The following EIF2S2 variants were observed in gnomAD, a reference collection of about 807,000 sequenced individuals.
The protein encoded by EIF2S2 is eukaryotic translation initiation factor 2 subunit 2.
In EIF2S2, 4 loss-of-function variants were observed where a neutral mutation model predicts 44.0. The ratio of observed to expected loss-of-function variants is 0.09; its 90% CI spans 0.04 to 0.21. The LOEUF (loss-of-function observed/expected upper bound fraction) is 0.21. EIF2S2 is among the 10% of genes least tolerant of loss of function. EIF2S2 has a pLI of 1.00. For synonymous variants in EIF2S2, 108 were observed against 128.3 expected (o/e 0.84, Z 1.07); for missense variants, 154 against 392.0 (o/e 0.39, Z 5.13).
At position 34,099,376 on chromosome 20, in the gene EIF2S2, G is replaced by A. The variant is rs1212603683; in HGVS notation, c.298-743C>T. ...CTGTCTCAAAGAAAAAAAAAAAAAAGAATCACTTGAGAAAATTTAAAAGTT... is the reference window on the plus strand; with the variant it reads ...CTGTCTCAAAGAAAAAAAAAAAAAAAAATCACTTGAGAAAATTTAAAAGTT... On this transcript the variant is annotated intron_variant, in intron 3 of 8. Transcript: ENST00000374980. Among the ~76,000 whole-genome samples the A allele has an allele frequency of 2.6e-5, 4 of 151,462 alleles. No individual in the cohort carries two copies. In the South Asian group the frequency reaches 6.3e-4, roughly 24 times the overall value.
Position 34,105,390 on chromosome 20 carries a change from A to G in EIF2S2, c.171T>C (p.Asp57=), listed in dbSNP as rs752072809. The change falls in exon 2 of 9, where the codon GAT becomes GAC. Residue 57 remains aspartate, a synonymous_variant. Coordinates refer to ENST00000374980, the MANE Select transcript of EIF2S2 (RefSeq NM_003908.5). ...EPTEDKDLEA[D]EEDTRKKDAS... ...CACCTTTTTTCCTAGTGTCCTCTTCATCAGCTTCCAAATCCTTGTCCTCAG... is the reference window on the plus strand; with the variant it reads ...CACCTTTTTTCCTAGTGTCCTCTTCGTCAGCTTCCAAATCCTTGTCCTCAG... The G allele has an allele frequency of 1.2e-6, 2 of 1,613,324 alleles. No individual in the cohort carries two copies. The highest frequency in any genetic ancestry group is 1.7e-6 in the Non-Finnish European group (2 of 1,179,734).
chr20:34,103,426 G>C lies in EIF2S2; in HGVS notation c.297+36C>G, dbSNP rs767443928. The C allele has an allele frequency of 3.3e-6, 5 of 1,513,126 alleles. No individual in the cohort carries two copies. In the Admixed American group the frequency reaches 8.3e-5, roughly 25 times the overall value. The allele number at this position is 1,513,126 out of a possible 1,614,324, so 93.7% of individuals were successfully genotyped here. ...ATCAGCCATTAGCAACCTTGCAAGA[G>C]GTCAAATTTTACCTTCAACAAGAAA... On this transcript the variant is annotated intron_variant, in intron 3 of 8. Transcript: ENST00000374980.
intron 1 of EIF2S2, among the ~76,000 whole-genome samples, chr20:34,109,535 G>A (rs1198230267): frequency 2.0e-5 from 3 of 151,886 alleles, no homozygotes; most frequent in African/African-American, 4.8e-5. Flanking sequence ...GAGCATGCAC[G>A]TGTAGTCCCA....
At chr20:34,097,538 A>C (rs1219618032) in intron 4 of EIF2S2, 22 bp from the exon 5 acceptor site, 2 of 1,600,128 alleles carry the variant, frequency 1.2e-6, no homozygotes, top group Non-Finnish European at 1.7e-6. Flanking sequence ...AAAGATTTTA[A>C]GAATGAGGGG....
chr20:34,102,637 A>G (rs931461220), intron 3 of EIF2S2, among the ~76,000 whole-genome samples: 1 of 152,292 alleles, frequency 6.6e-6, no homozygotes, highest in Non-Finnish European at 1.5e-5. Context: ...CTACTTATCA[A>G]AGAAAATTTT....
chr20:34,091,514 G>T (rs936987656), intron 7 of EIF2S2, among the ~76,000 whole-genome samples: 1 of 152,044 alleles, frequency 6.6e-6, no homozygotes. Context: ...TCAGGTGTTC[G>T]AGACCAGCCT....
chr20:34,110,096 C>CAAAAAAAAAAAA (rs11167227), intron 1 of EIF2S2, among the ~76,000 whole-genome samples: 1 of 86,192 alleles, frequency 1.2e-5, no homozygotes, highest in African/African-American at 4.3e-5. Flanking sequence ...AATTCCATCT[C>CAAAAAAAAAAAA]AAAAAAAAAA....
chr20:34,100,339 G>A (rs1414168703), intron 3 of EIF2S2, among the ~76,000 whole-genome samples: 1 of 152,138 alleles, frequency 6.6e-6, no homozygotes, highest in Non-Finnish European at 1.5e-5. Context: ...TTAACCACTG[G>A]TGACTGAGCT....
Position 34,090,010 on chromosome 20 carries a change from G to T in EIF2S2, c.827-105C>A, listed in dbSNP as rs1364858017. 12 of 1,266,694 alleles carry T rather than the reference G, an allele frequency of 9.5e-6. No homozygotes were observed. The Middle Eastern group carries it at 5.6e-4, about 59-fold the overall frequency. The allele number at this position is 1,266,694 out of a possible 1,614,324, so 78.5% of individuals were successfully genotyped here. On this transcript the variant is annotated intron_variant, in intron 8 of 8. Transcript: ENST00000374980. The stretch of plus-strand genomic sequence containing the variant: ...AAAGAACTCCACAAGCCCAGGCTGA[G>T]AATTTAGCTGGGCACCCAGACCAGG...
At chr20:34,098,336 T>A (rs2034255958) in intron 4 of EIF2S2, among the ~76,000 whole-genome samples, 162 bp downstream of exon 4, 1 of 152,134 alleles carries the variant, frequency 6.6e-6, no homozygotes, top group Non-Finnish European at 1.5e-5. Context: ...ATTCTTTAAC[T>A]GCCATTATCA....
intron 1 of EIF2S2, among the ~76,000 whole-genome samples, 183 bp downstream of exon 1, chr20:34,111,913 G>A (rs1387818379): frequency 6.6e-6 from 1 of 152,248 alleles, no homozygotes; most frequent in Non-Finnish European, 1.5e-5. Context: ...CCTGAGGAAA[G>A]CGGGCTGCGG....
intron 6 of EIF2S2, among the ~76,000 whole-genome samples, chr20:34,096,107 C>G (rs1311795725): frequency 6.6e-6 from 1 of 152,162 alleles, no homozygotes; most frequent in Non-Finnish European, 1.5e-5. Flanking sequence ...CCTAGAGCAA[C>G]TGATGAGCCT....
In EIF2S2 at chr20:34,100,781, A is replaced by C. The variant is rs1272750229; in HGVS notation, c.298-2148T>G. Reference sequence around the variant, plus strand: ...GAATTAGGATCAAGTGATGGAATGGAATGGAAACAAAGTAAAGCTTGACCC... The same window carrying C: ...GAATTAGGATCAAGTGATGGAATGGCATGGAAACAAAGTAAAGCTTGACCC... On this transcript the variant is annotated intron_variant, in intron 3 of 8. Coordinates refer to ENST00000374980, the MANE Select transcript of EIF2S2 (RefSeq NM_003908.5). 5.3e-5 allele frequency among the ~76,000 whole-genome samples: 8 copies of C among 152,322 alleles called. No individual in the cohort carries two copies. In the East Asian group the frequency reaches 1.5e-3, roughly 29 times the overall value.
At chr20:34,103,887 T>C (rs1272813465) in intron 2 of EIF2S2, among the ~76,000 whole-genome samples, 2 of 152,080 alleles carry the variant, frequency 1.3e-5, no homozygotes, top group Non-Finnish European at 1.5e-5. Flanking sequence ...TTTGTATTTT[T>C]TTAAGTAGAG....
chr20:34,103,711 T>TC (rs949514483), intron 2 of EIF2S2, 146 bp from the exon 3 acceptor site: 1 of 271,386 alleles, frequency 3.7e-6, no homozygotes, highest in African/African-American at 2.3e-5. Flanking sequence ...CTTATGGTTC[T>TC]TTTTTTTTTT....
intron 6 of EIF2S2, among the ~76,000 whole-genome samples, chr20:34,096,400 G>C (rs1026832980): frequency 6.6e-6 from 1 of 152,182 alleles, no homozygotes; most frequent in Admixed American, 6.5e-5. Context: ...AGGAGATTGA[G>C]GCTGCAGTGA....
intron 3 of EIF2S2, among the ~76,000 whole-genome samples, chr20:34,099,123 A>T (rs560831470): frequency 1.2e-3 from 182 of 152,294 alleles, no homozygotes; most frequent in Middle Eastern, 3.4e-3. Flanking sequence ...TAATCCCAGC[A>T]CTTTGGGACG....
rs1182731294 is a variant in EIF2S2, at chr20:34,089,551, G to A, written c.*179C>T. 1.7e-6 allele frequency: 1 copy of A among 588,730 alleles called. No homozygotes were observed. Among genetic ancestry groups the A allele is most frequent in the South Asian group, 2.4e-5 (1 of 41,284 alleles). 36.5% of individuals were successfully genotyped at this position (588,730 alleles called of 1,614,324 possible). ...GTTTCTCTGACAGGTGTTAAAGTAGGCAATGAGTATGTCAACAGCTTGAGC... is the reference window on the plus strand; with the variant it reads ...GTTTCTCTGACAGGTGTTAAAGTAGACAATGAGTATGTCAACAGCTTGAGC... On this transcript the variant is annotated 3_prime_UTR_variant, in exon 9 of 9. Coordinates refer to ENST00000374980, the MANE Select transcript of EIF2S2 (RefSeq NM_003908.5).
chr20:34,106,411 TTTAACA>T (rs2034350213), intron 1 of EIF2S2, among the ~76,000 whole-genome samples: 1 of 149,716 alleles, frequency 6.7e-6, no homozygotes, highest in African/African-American at 2.5e-5. Context: ...CTGCTTTTTG[TTTAACA>T]TTAAAGGTTC....
Sources: allele counts gnomAD v4.1 joint callset (sites outside exome capture counted in the v4.1 genomes callset), GRCh38; gene constraint gnomAD v4.1.1; transcripts MANE v1.5; gene names NCBI Gene and HGNC (gene_info 2026-07-23, HGNC 2026-07-21).